Variants in IFT88 observed in about 807,000 individuals in gnomAD.
IFT88 encodes intraflagellar transport protein 88 homolog.
IFT88 carries 74 observed loss-of-function variants against 119.5 expected under a neutral mutation model. That is an observed-to-expected ratio of 0.62 (90% CI 0.51 to 0.75). The LOEUF (loss-of-function observed/expected upper bound fraction) is 0.75. Among genes scored for constraint, IFT88 ranks in the 30% least tolerant of loss-of-function variants. The pLI, the probability that IFT88 is intolerant of heterozygous loss-of-function variation, is 0.00. For missense variants in IFT88, 961 were observed against 977.7 expected, an observed-to-expected ratio of 0.98 and a Z score of 0.23; for synonymous variants, 279 against 316.7, an observed-to-expected ratio of 0.88 and a Z score of 1.26.
chr13:20,653,225 A>G (rs1386757776), intron 20 of IFT88, among the ~76,000 whole-genome samples: 2 of 152,202 alleles, frequency 1.3e-5, no homozygotes, highest in Admixed American at 6.5e-5. Context: ...TAGGTTTGCC[A>G]TCAAATCGAG....
chr13:20,621,524 G>T, intron 14 of IFT88, among the ~76,000 whole-genome samples: 1 of 52,094 alleles, frequency 1.9e-5, no homozygotes, highest in African/African-American at 9.6e-5. Flanking sequence ...AACCTGCTGA[G>T]ATAAAAAAAA....
chr13:20,624,001 A>G (rs999359744), intron 14 of IFT88, among the ~76,000 whole-genome samples: 2 of 152,156 alleles, frequency 1.3e-5, no homozygotes, highest in Non-Finnish European at 2.9e-5. Context: ...TACATTGCTT[A>G]ATTTCCAGCA....
chr13:20,667,730 C>T (rs2054980227), intron 23 of IFT88, among the ~76,000 whole-genome samples: 1 of 151,950 alleles, frequency 6.6e-6, no homozygotes, highest in Non-Finnish European at 1.5e-5. Flanking sequence ...GTGTGAGCCA[C>T]CGCGCCCAGC....
rs1361473250 is a variant in IFT88, at chr13:20,569,462, G to A, written c.-7+2206G>A. 4.6e-4 allele frequency among the ~76,000 whole-genome samples: 69 copies of A among 151,372 alleles called. 1 individual carries two copies. In the South Asian group the frequency reaches 0.012, roughly 26 times the overall value. On this transcript the variant is annotated intron_variant, in intron 1 of 25. Transcript: ENST00000351808. ...GTGGCGGGCGCCTGTAGTCCCAGCT[G>A]CTGGAGAGGCTGAGGCAGGAGAATG...
At chr13:20,605,237 A>G (rs1259759949) in intron 13 of IFT88, 132 bp downstream of exon 13, 4 of 426,484 alleles carry the variant, frequency 9.4e-6, no homozygotes, top group Non-Finnish European at 1.7e-5. Context: ...TTGAATGTGC[A>G]TTCTGTTTCT....
intron 9 of IFT88, among the ~76,000 whole-genome samples, chr13:20,597,600 C>T (rs1190257277): frequency 8.6e-5 from 13 of 151,860 alleles, no homozygotes; most frequent in East Asian, 3.9e-4. Flanking sequence ...AAAAATTAGC[C>T]GGGTGTGGTG....
chr13:20,647,267 A>G (rs2050899186), intron 20 of IFT88, among the ~76,000 whole-genome samples: 1 of 152,154 alleles, frequency 6.6e-6, no homozygotes, highest in Admixed American at 6.6e-5. Context: ...TTTGTTTTCT[A>G]TACCATATAT....
At chr13:20,567,783 G>T in intron 1 of IFT88, 1 of 1,339,626 alleles carries the variant, frequency 7.5e-7, no homozygotes, top group Non-Finnish European at 9.6e-7. Context: ...CCAAAAACGT[G>T]AAGTACTGTT....
intron 2 of IFT88, among the ~76,000 whole-genome samples, chr13:20,578,759 G>A (rs1046661653): frequency 7.9e-5 from 12 of 152,048 alleles, no homozygotes; most frequent in East Asian, 1.9e-4. Flanking sequence ...ATGTTGGTTC[G>A]GCTGGTCTTG....
At chr13:20,593,496 G>C (rs2041087509) in intron 7 of IFT88, among the ~76,000 whole-genome samples, 2 of 151,572 alleles carry the variant, frequency 1.3e-5, no homozygotes. Flanking sequence ...TGCTTCTATA[G>C]AATATATGTT....
chr13:20,581,780 G>T (rs1005151228), intron 2 of IFT88, among the ~76,000 whole-genome samples: 1 of 151,490 alleles, frequency 6.6e-6, no homozygotes, highest in South Asian at 2.1e-4. Context: ...CTGAGCCTGG[G>T]AAGTTGAGGC....
chr13:20,574,278 C>A, intron 1 of IFT88, 102 bp from the exon 2 acceptor site: 1 of 523,876 alleles, frequency 1.9e-6, no homozygotes, highest in Non-Finnish European at 3.3e-6. Context: ...CGTGATTGTG[C>A]TACTGCATTC....
At chr13:20,621,526 TAAAA>T (rs200491393) in intron 14 of IFT88, among the ~76,000 whole-genome samples, 151 of 130,636 alleles carry the variant, frequency 1.2e-3, no homozygotes, top group African/African-American at 4.6e-3. Context: ...CCTGCTGAGA[TAAAA>T]AAAAAAAAAA....
chr13:20,687,022 CAAAAAAAAAAAAAAAAA>C (rs370247448), intron 24 of IFT88, among the ~76,000 whole-genome samples: 1 of 59,834 alleles, frequency 1.7e-5, no homozygotes, highest in Admixed American at 2.2e-4. Flanking sequence ...ACTTTCTTAC[CAAAAAAAAAAAAAAAAA>C]AAAAAAAAAA....
At chr13:20,642,609 A>T (rs576941784) in intron 18 of IFT88, 2 of 152,318 alleles carry the variant, frequency 1.3e-5, no homozygotes, top group Non-Finnish European at 2.9e-5. Flanking sequence ...TCAAAAAAAA[A>T]TTAGTTTTAG....
chr13:20,637,312 C>T (rs1342689449), intron 16 of IFT88, among the ~76,000 whole-genome samples: 3 of 152,068 alleles, frequency 2.0e-5, no homozygotes, highest in African/African-American at 4.8e-5. Context: ...AAAAGTTTAA[C>T]GAGGGACGGT....
At chr13:20,654,527 A>G (rs971044219) in intron 21 of IFT88, among the ~76,000 whole-genome samples, 1 of 152,240 alleles carries the variant, frequency 6.6e-6, no homozygotes, top group Non-Finnish European at 1.5e-5. Flanking sequence ...GAACAAATTT[A>G]TAATCCCTCT....
intron 17 of IFT88, among the ~76,000 whole-genome samples, chr13:20,638,889 A>T (rs116534604): frequency 0.012 from 1,894 of 152,348 alleles, 43 homozygotes; most frequent in African/African-American, 0.044. Flanking sequence ...GAACAATTTC[A>T]AACATGCACA....
chr13:20,631,275 C>T, intron 16 of IFT88, 173 bp downstream of exon 16: 1 of 546,354 alleles, frequency 1.8e-6, no homozygotes, highest in Non-Finnish European at 3.3e-6. Context: ...GCTGAGTTGG[C>T]AGACATGAGT....
Sources: allele counts gnomAD v4.1 joint callset (sites outside exome capture counted in the v4.1 genomes callset), GRCh38; gene constraint gnomAD v4.1.1; transcripts MANE v1.5; gene names NCBI Gene and HGNC (gene_info 2026-07-23, HGNC 2026-07-21).